ABCC2: variants seen among roughly 807,000 people sequenced by gnomAD.
ABCC2 encodes ATP-binding cassette sub-family C member 2.
ABCC2 carries 157 observed loss-of-function variants against 173.4 expected under a neutral mutation model. That is an observed-to-expected ratio of 0.91 (90% CI 0.80 to 1.03). The LOEUF (loss-of-function observed/expected upper bound fraction) is 1.03. Among genes scored for constraint, ABCC2 ranks in the 50% least tolerant of loss-of-function variants. The pLI is 0.00. For synonymous variants in ABCC2, 657 were observed against 693.5 expected (o/e 0.95, Z 0.83); for missense variants, 1,822 against 1,852.3 (o/e 0.98, Z 0.30).
intron 8 of ABCC2, among the ~76,000 whole-genome samples, chr10:99,800,001 A>T (rs2037985756): frequency 6.6e-6 from 1 of 152,172 alleles, no homozygotes; most frequent in South Asian, 2.1e-4. Context: ...CAGGAGTTAG[A>T]AACCAGGCTG....
At chr10:99,790,652 GC>G (rs2037796812) in intron 2 of ABCC2, among the ~76,000 whole-genome samples, 1 of 152,046 alleles carries the variant, frequency 6.6e-6, no homozygotes, top group Admixed American at 6.6e-5. Context: ...ATAGCTTACC[GC>G]CTATGAAGCT....
chr10:99,809,642 G>T (rs545188781), intron 13 of ABCC2, among the ~76,000 whole-genome samples: 2 of 152,190 alleles, frequency 1.3e-5, no homozygotes, highest in African/African-American at 4.8e-5. Flanking sequence ...GGGACTGCAG[G>T]GTATTCTGCC....
rs3740070 is a variant in ABCC2, at chr10:99,831,661, G to T, written c.2934G>T (p.Ser978=). Residue 978 remains serine, a synonymous_variant, in exon 22 of 32, where the codon TCG becomes TCT. Transcript: ENST00000647814. ...ACCTACAAGCAATAGGATTGTTTTC[G>T]ATATTCTTCATCATCCTTGCGTTTG... ...LEYLQAIGLF[S]IFFIILAFVM... The T allele has an allele frequency of 2.5e-6, 4 of 1,614,140 alleles. No homozygotes were observed. Among genetic ancestry groups the T allele is most frequent in the African/African-American group, 1.3e-5 (1 of 75,018 alleles).
intron 19 of ABCC2, among the ~76,000 whole-genome samples, chr10:99,820,110 G>T (rs1324748942): frequency 3.9e-5 from 6 of 152,180 alleles, no homozygotes; most frequent in Non-Finnish European, 4.4e-5. Context: ...ACCCTGGGAG[G>T]GCCAGGCACG....
rs768506514 is a variant in ABCC2, at chr10:99,804,226, G to T, written c.1417G>T (p.Val473Leu). 1.9e-6 allele frequency: 3 copies of T among 1,614,150 alleles called. No individual in the cohort carries two copies. Among genetic ancestry groups the T allele is most frequent in the Non-Finnish European group, 2.5e-6 (3 of 1,180,022 alleles). Residue 473 changes from valine to leucine, a missense_variant, in exon 10 of 32, where the codon GTA (valine) becomes TTA (leucine). Transcript: ENST00000647814. ...AGCAGGTGTTGGGGTGATGGTGCTT[G>T]TAATCCCAATTAATGCGATACTGTC... ...VLAGVGVMVL[V>L]IPINAILSTK...
chr10:99,811,817 C>G (rs2038220889), intron 15 of ABCC2, among the ~76,000 whole-genome samples: 1 of 152,204 alleles, frequency 6.6e-6, no homozygotes, highest in Non-Finnish European at 1.5e-5. Context: ...TGCTTTCCTA[C>G]TATGGGGCCA....
At chr10:99,810,084 T>C in intron 13 of ABCC2, 50 bp from the exon 14 acceptor site, 2 of 1,529,776 alleles carry the variant, frequency 1.3e-6, no homozygotes, top group Non-Finnish European at 1.8e-6. Context: ...TCTCTCTGCT[T>C]GTGCTCGTTA....
At position 99,830,788 on chromosome 10, in the gene ABCC2, G is replaced by A. The variant is rs2038725626; in HGVS notation, c.2820G>A (p.Lys940=). 2.5e-6 allele frequency: 4 copies of A among 1,614,078 alleles called. No homozygotes were observed. Among genetic ancestry groups the A allele is most frequent in the East Asian group, 4.5e-5 (2 of 44,882 alleles). ...SLKTRNVNSL[K]EDEELVKGQK... ...AAACTCGGAATGTGAATAGCCTGAA[G>A]GAAGACGAAGAACTAGTGAAAGGAC... The change falls in exon 21 of 32, where the codon AAG becomes AAA. Residue 940 remains lysine (K), a synonymous_variant. Coordinates refer to ENST00000647814, the MANE Select transcript of ABCC2 (RefSeq NM_000392.5).
chr10:99,783,254 AT>A (rs1290275725), intron 1 of ABCC2, among the ~76,000 whole-genome samples: 2 of 152,230 alleles, frequency 1.3e-5, no homozygotes, highest in African/African-American at 4.8e-5. Context: ...AGACATGTTG[AT>A]GTTGAAATGA....
At chr10:99,821,487 A>T (rs2038536786) in intron 19 of ABCC2, among the ~76,000 whole-genome samples, 1 of 152,094 alleles carries the variant, frequency 6.6e-6, no homozygotes, top group South Asian at 2.1e-4. Context: ...TGGCTTTCCT[A>T]GGCAGAGGTC....
chr10:99,814,266 TGTATACACAC>T (rs1327563141), intron 16 of ABCC2, among the ~76,000 whole-genome samples: 3 of 38,644 alleles, frequency 7.8e-5, no homozygotes, highest in Admixed American at 5.0e-4. Context: ...TACACACGTA[TGTATACACAC>T]GTATGTATAC....
At chr10:99,817,841 G>A (rs1001942119) in intron 17 of ABCC2, among the ~76,000 whole-genome samples, 1 of 152,202 alleles carries the variant, frequency 6.6e-6, no homozygotes, top group South Asian at 2.1e-4. Context: ...GTATCAGTGA[G>A]GCCAGAGGAA....
In ABCC2 at chr10:99,851,819, C is replaced by T. The variant is rs2039091826; in HGVS notation, c.*188C>T. ...GTCACCAGGTACTTGAGAAACCCCTCGATTGTCTACCTCGATCGTACTTCC... is the reference window on the plus strand; with the variant it reads ...GTCACCAGGTACTTGAGAAACCCCTTGATTGTCTACCTCGATCGTACTTCC... On this transcript the variant is annotated 3_prime_UTR_variant, in exon 32 of 32. Coordinates refer to ENST00000647814, the MANE Select transcript of ABCC2 (RefSeq NM_000392.5). The T allele has an allele frequency of 3.7e-6, 2 of 540,086 alleles. No individual in the cohort carries two copies. The highest frequency in any genetic ancestry group is 3.0e-5 in the South Asian group (1 of 33,828). The allele number at this position is 540,086 out of a possible 1,614,324, so 33.5% of individuals were successfully genotyped here. A position where few individuals can be genotyped will look rare whatever the true frequency, so the allele number is the denominator to read the frequency against.
At chr10:99,814,991 A>C (rs1338259689) in intron 16 of ABCC2, among the ~76,000 whole-genome samples, 2 of 149,386 alleles carry the variant, frequency 1.3e-5, no homozygotes, top group Non-Finnish European at 3.0e-5. Flanking sequence ...TTTTTACTTT[A>C]AGTTCCAGGA....
intron 31 of ABCC2, 77 bp downstream of exon 31, chr10:99,850,873 C>A (rs1006983908): frequency 6.5e-7 from 1 of 1,534,582 alleles, no homozygotes; most frequent in Non-Finnish European, 9.0e-7. Flanking sequence ...CGGGAAACAC[C>A]TGATGGCAGA....
intron 23 of ABCC2, among the ~76,000 whole-genome samples, 175 bp downstream of exon 23, chr10:99,832,306 G>T (rs1296576640): frequency 3.3e-5 from 5 of 152,138 alleles, no homozygotes. Flanking sequence ...GGAGATTGAG[G>T]GATGAACATC....
chr10:99,818,966 T>G lies in ABCC2; in HGVS notation c.2439+9T>G. 1 of 1,609,624 alleles carries G rather than the reference T, an allele frequency of 6.2e-7. No homozygotes were observed. Among genetic ancestry groups the G allele is most frequent in the Non-Finnish European group, 8.5e-7 (1 of 1,177,058 alleles). On this transcript the variant is annotated intron_variant, in intron 18 of 31. Coordinates refer to ENST00000647814, the MANE Select transcript of ABCC2 (RefSeq NM_000392.5). Reference sequence around the variant, plus strand: ...GCCTGTTGAAAGGCAAGGTGAGAAATCATTGAACATGATGAAGATATAAAG... The same window carrying G: ...GCCTGTTGAAAGGCAAGGTGAGAAAGCATTGAACATGATGAAGATATAAAG...
At chr10:99,792,697 A>T (rs572229410) in intron 3 of ABCC2, among the ~76,000 whole-genome samples, 1 of 152,328 alleles carries the variant, frequency 6.6e-6, no homozygotes, top group East Asian at 1.9e-4. Flanking sequence ...ATTGTTTTTA[A>T]ATTGATTGAT....
In ABCC2 at chr10:99,850,754, T is replaced by G. The variant is rs779269741; in HGVS notation, c.4466T>G (p.Ile1489Ser). The change falls in exon 31 of 32, where the codon ATC (isoleucine) becomes AGC (serine). Residue 1489 changes from isoleucine to serine, a missense_variant. Physicochemically the swap from Ile to Ser is moderately radical, Grantham distance 142 (BLOSUM62 -2). Transcript: ENST00000647814. ...AACGAGTTCGCCCACTGCACAGTGA[T>G]CACCATCGCCCACAGGCTGCACACC... ...IQNEFAHCTV[I>S]TIAHRLHTIM... 4.3e-6 allele frequency: 7 copies of G among 1,614,166 alleles called. No homozygotes were observed. In the East Asian group the frequency reaches 1.6e-4, roughly 36 times the overall value.
Sources: allele counts gnomAD v4.1 joint callset (sites outside exome capture counted in the v4.1 genomes callset), GRCh38; gene constraint gnomAD v4.1.1; transcripts MANE v1.5; gene names NCBI Gene and HGNC (gene_info 2026-07-23, HGNC 2026-07-21).